The following COL15A1 variants were observed in gnomAD, a reference collection of about 807,000 sequenced individuals.
COL15A1 encodes the protein collagen alpha-1(XV) chain.
COL15A1 carries 111 observed loss-of-function variants against 165.9 expected under a neutral mutation model. That is an observed-to-expected ratio of 0.67 (90% CI 0.57 to 0.78). The LOEUF (loss-of-function observed/expected upper bound fraction) is 0.78, where lower values mean the gene tolerates loss of function less well. COL15A1 is among the 30% of genes least tolerant of loss of function. The pLI is 0.00. For missense variants in COL15A1, 1,745 were observed against 1,789.7 expected (o/e 0.98, Z 0.45); for synonymous variants, 659 against 674.8 (o/e 0.98, Z 0.36).
chr9:99,065,034 T>C (rs1326561525), intron 39 of COL15A1, among the ~76,000 whole-genome samples: 1 of 152,248 alleles, frequency 6.6e-6, no homozygotes, highest in Non-Finnish European at 1.5e-5. Context: ...TTTTGAGTGT[T>C]ATAACATTAC....
chr9:99,052,560 G>A, intron 31 of COL15A1, 127 bp downstream of exon 31: 1 of 789,394 alleles, frequency 1.3e-6, no homozygotes, highest in Non-Finnish European at 2.2e-6. Context: ...GTAGGGGTGG[G>A]GATGGCAGCT....
Position 99,028,258 on chromosome 9 carries a change from A to G in COL15A1, c.2043+2292A>G, listed in dbSNP as rs1390492391. On this transcript the variant is annotated intron_variant, in intron 16 of 41. Coordinates refer to ENST00000375001, the MANE Select transcript of COL15A1 (RefSeq NM_001855.5). ...AAAAAATGTTTTTTATATAATAATTATTATTATAAAATATGAGATTGAGAT... is the reference window on the plus strand; with the variant it reads ...AAAAAATGTTTTTTATATAATAATTGTTATTATAAAATATGAGATTGAGAT... Among the ~76,000 whole-genome samples, 8 of 152,160 alleles carry G rather than the reference A, an allele frequency of 5.3e-5. No individual in the cohort carries two copies. In the East Asian group the frequency reaches 1.5e-3, roughly 29 times the overall value.
At chr9:98,958,632 C>T (rs1282046704) in intron 2 of COL15A1, among the ~76,000 whole-genome samples, 2 of 152,140 alleles carry the variant, frequency 1.3e-5, no homozygotes, top group Non-Finnish European at 2.9e-5. Context: ...TTCCCCTCCC[C>T]TTTTAGTATA....
chr9:99,068,269 C>T (rs1406893938), intron 40 of COL15A1, among the ~76,000 whole-genome samples: 1 of 151,798 alleles, frequency 6.6e-6, no homozygotes, highest in African/African-American at 2.4e-5. Context: ...AGTTCGAGAC[C>T]AGCCTGACCA....
chr9:99,068,518 G>A (rs1306405605), intron 40 of COL15A1, 37 bp from the exon 41 acceptor site: 4 of 815,214 alleles, frequency 4.9e-6, no homozygotes, highest in Non-Finnish European at 7.5e-6. Context: ...GTAGGCTGAT[G>A]GTATAATGAT....
At position 99,049,875 on chromosome 9, in the gene COL15A1, C is replaced by T. The variant is rs777750966; in HGVS notation, c.2884C>T (p.Arg962Ter). ...ACAGGCCATTTTCCCAATACCCGTCCGACCACACTGCAAAATGCCAGTAAG... is the reference window on the plus strand; with the variant it reads ...ACAGGCCATTTTCCCAATACCCGTCTGACCACACTGCAAAATGCCAGTAAG... Reference protein sequence around the residue: ...IKGAIFPIPVRPHCKMPVDTA... With the variant: ...IKGAIFPIPV Residue 962 changes from arginine (R) to a stop codon, truncating the protein, a stop_gained, in exon 30 of 42, where the codon CGA (arginine) becomes TGA (stop). Transcript: ENST00000375001. LOFTEE classifies it high-confidence loss of function. The T allele has an allele frequency of 1.2e-5, 19 of 1,614,096 alleles. No homozygotes were observed. The highest frequency in any genetic ancestry group is 6.7e-5 in the East Asian group (3 of 44,902).
intron 26 of COL15A1, among the ~76,000 whole-genome samples, chr9:99,046,800 C>T (rs1839498109): frequency 1.3e-5 from 2 of 152,240 alleles, no homozygotes; most frequent in Non-Finnish European, 1.5e-5. Context: ...CAAAGCCAAA[C>T]CATATCAGGA....
Position 99,034,585 on chromosome 9 carries a change from G to GC in COL15A1, c.2079+1_2079+2insC. On this transcript the variant is annotated splice_donor_variant, in intron 17 of 41. Coordinates refer to ENST00000375001, the MANE Select transcript of COL15A1 (RefSeq NM_001855.5). LOFTEE classifies it high-confidence loss of function. ...GCCTAATGGCTCAGTTGGTGAAAAG[G>GC]TAAAAAAAAAAAAAAAAAAAAAAAA... 2.1e-6 allele frequency: 1 copy of GC among 471,134 alleles called. No individual in the cohort carries two copies. The highest frequency in any genetic ancestry group is 2.9e-6 in the Non-Finnish European group (1 of 343,334). 29.2% of individuals were successfully genotyped at this position (471,134 alleles called of 1,614,324 possible). A position where few individuals can be genotyped will look rare whatever the true frequency, so the allele number is the denominator to read the frequency against.
intron 7 of COL15A1, among the ~76,000 whole-genome samples, 155 bp from the exon 8 acceptor site, chr9:99,003,298 C>G (rs571505769): frequency 7.2e-5 from 11 of 152,348 alleles, no homozygotes; most frequent in Middle Eastern, 6.8e-3. Context: ...TTTCCCATCC[C>G]TGGATTTATG....
intron 2 of COL15A1, among the ~76,000 whole-genome samples, chr9:98,946,956 T>G (rs1588485755): frequency 6.6e-6 from 1 of 152,232 alleles, no homozygotes; most frequent in South Asian, 2.1e-4. Flanking sequence ...TGGGCTGTTA[T>G]GAGCGGAAAT....
At chr9:98,953,602 T>C (rs143174700) in intron 2 of COL15A1, among the ~76,000 whole-genome samples, 156 of 152,186 alleles carry the variant, frequency 1.0e-3, no homozygotes, top group African/African-American at 3.6e-3. Flanking sequence ...TTGCATACCA[T>C]GGGTGGTTTA....
At chr9:99,022,745 G>A (rs2119010781) in intron 13 of COL15A1, among the ~76,000 whole-genome samples, 1 of 152,354 alleles carries the variant, frequency 6.6e-6, no homozygotes, top group Admixed American at 6.5e-5. Flanking sequence ...TTCAATGAAT[G>A]AATTAGGCCC....
intron 2 of COL15A1, 32 bp downstream of exon 2, chr9:98,944,282 T>C (rs201106974): frequency 1.4e-4 from 229 of 1,601,764 alleles, no homozygotes; most frequent in Non-Finnish European, 1.8e-4. Flanking sequence ...TGGCACCGGC[T>C]GCCTCCGCGC....
chr9:99,030,682 A>G (rs867232900), intron 16 of COL15A1, among the ~76,000 whole-genome samples: 13 of 152,228 alleles, frequency 8.5e-5, no homozygotes, highest in South Asian at 4.1e-4. Context: ...CAACTGAAAC[A>G]ATTCAGTTTT....
intron 2 of COL15A1, among the ~76,000 whole-genome samples, chr9:98,981,927 C>T (rs988574845): frequency 2.6e-5 from 4 of 152,074 alleles, no homozygotes; most frequent in African/African-American, 4.8e-5. Context: ...GGCCCAACTT[C>T]CAGAGTAGTA....
At chr9:99,061,898 A>G in intron 36 of COL15A1, 73 bp from the exon 37 acceptor site, 7 of 1,530,166 alleles carry the variant, frequency 4.6e-6, no homozygotes, top group Non-Finnish European at 5.3e-6. Flanking sequence ...GACTTTACAG[A>G]GAGGCCAGGT....
rs755767290 is a variant in COL15A1, at chr9:99,056,270, G to A, written c.3203G>A (p.Gly1068Glu). 1.2e-5 allele frequency: 20 copies of A among 1,614,182 alleles called. No individual in the cohort carries two copies. Among genetic ancestry groups the A allele is most frequent in the Admixed American group, 1.0e-4 (6 of 60,032 alleles). Residue 1068 changes from glycine to glutamate, a missense_variant, in exon 35 of 42, where the codon GGG becomes GAG. Gly to Glu is a moderately conservative substitution (Grantham distance 98). Coordinates refer to ENST00000375001, the MANE Select transcript of COL15A1 (RefSeq NM_001855.5). The part of the protein sequence containing the change: ...PGNPGPAGQK[G>E]ETVVGPQGPP... ...TGCTTGCCTTGACAGGGCCAAAAAG[G>A]GGAGACAGTCGTTGGGCCCCAAGGA... is the stretch of plus-strand genomic sequence containing the variant.
intron 30 of COL15A1, among the ~76,000 whole-genome samples, chr9:99,050,097 GCA>G (rs1050702677): frequency 6.6e-6 from 1 of 152,184 alleles, no homozygotes; most frequent in Non-Finnish European, 1.5e-5. Flanking sequence ...TTCTAAGGGT[GCA>G]CACACGGTGA....
Position 99,042,047 on chromosome 9 carries a change from T to G in COL15A1, c.2514T>G (p.Gly838=). ...DGLPGLPGFP[G]PRGPKGDTGL... is the part of the protein sequence containing the mutation. ...TACTATATAACAATTCCTTCCAGGG[T>G]CCTAGAGGACCAAAAGGTGACACTG... The change falls in exon 24 of 42, where the codon GGT becomes GGG. Residue 838 remains glycine, a splice_region_variant and synonymous_variant. Coordinates refer to ENST00000375001, the MANE Select transcript of COL15A1 (RefSeq NM_001855.5). 6.2e-7 allele frequency: 1 copy of G among 1,604,672 alleles called. No homozygotes were observed. The highest frequency in any genetic ancestry group is 8.5e-7 in the Non-Finnish European group (1 of 1,172,476).
Sources: allele counts gnomAD v4.1 joint callset (sites outside exome capture counted in the v4.1 genomes callset), GRCh38; gene constraint gnomAD v4.1.1; transcripts MANE v1.5; gene names NCBI Gene and HGNC (gene_info 2026-07-23, HGNC 2026-07-21).